NT5DC3: variants seen among roughly 807,000 people sequenced by gnomAD.
NT5DC3 encodes the protein 5'-nucleotidase domain-containing protein 3.
Under a neutral mutation model 67.8 loss-of-function variants are expected in NT5DC3, and 42 were observed. The observed-to-expected ratio is 0.62, with a 90% CI of 0.48 to 0.80. The LOEUF (loss-of-function observed/expected upper bound fraction) is 0.80, where lower values mean the gene tolerates loss of function less well. Ranked by LOEUF, NT5DC3 falls within the 30% of genes least tolerant of loss-of-function variation. The probability of loss-of-function intolerance (pLI) is 0.00; values close to 1 mark genes in which losing one functional copy is unlikely to be tolerated. For synonymous variants in NT5DC3, 237 were observed against 255.6 expected (o/e 0.93, Z 0.69); for missense variants, 570 against 696.4 (o/e 0.82, Z 2.04).
At chr12:103,822,956 T>C (rs1413889261) in intron 1 of NT5DC3, among the ~76,000 whole-genome samples, 1 of 152,178 alleles carries the variant, frequency 6.6e-6, no homozygotes, top group Non-Finnish European at 1.5e-5. Flanking sequence ...TCTCAGATAT[T>C]TGAACTCAGA....
chr12:103,785,268 T>G (rs1208323654), intron 12 of NT5DC3, 67 bp downstream of exon 12: 1 of 1,465,814 alleles, frequency 6.8e-7, no homozygotes, highest in Admixed American at 1.7e-5. Context: ...AAGCAGAAAA[T>G]ACCTGAAGTA....
Position 103,798,648 on chromosome 12 carries a change from ACTT to A in NT5DC3, c.551_553del (p.Glu184del). On this transcript the variant is annotated inframe_deletion, in exon 5 of 14. Transcript: ENST00000392876. ...GTGGGACCCCTCGTACATTTCAATG[ACTT>A]CTTCATCAGGGACAACACTGAGGCC... is the stretch of plus-strand genomic sequence containing the variant. The A allele has an allele frequency of 6.2e-7, 1 of 1,614,006 alleles. No homozygotes were observed. Among genetic ancestry groups the A allele is most frequent in the Admixed American group, 1.7e-5 (1 of 60,026 alleles).
downstream of NT5DC3, among the ~76,000 whole-genome samples, chr12:103,765,739 A>G (rs990675010): frequency 6.2e-5 from 7 of 113,258 alleles, no homozygotes; most frequent in African/African-American, 2.0e-4. Context: ...ATAAGGTTTC[A>G]CCGTGTTGCT....
intron 5 of NT5DC3, among the ~76,000 whole-genome samples, chr12:103,797,492 A>T (rs1037677255): frequency 2.0e-5 from 3 of 151,588 alleles, no homozygotes; most frequent in African/African-American, 4.8e-5. Context: ...AAAAAAGTAA[A>T]ATGTTCCCCT....
At chr12:103,801,186 C>T (rs1200488457) in intron 4 of NT5DC3, among the ~76,000 whole-genome samples, 1 of 152,022 alleles carries the variant, frequency 6.6e-6, no homozygotes, top group African/African-American at 2.4e-5. Flanking sequence ...GGCTTAGAAA[C>T]AAACTAGGCT....
intron 1 of NT5DC3, among the ~76,000 whole-genome samples, chr12:103,821,240 G>A (rs1174743382): frequency 6.6e-6 from 1 of 152,230 alleles, no homozygotes; most frequent in Non-Finnish European, 1.5e-5. Flanking sequence ...TGTTATAGCT[G>A]TCTGTAATAA....
At chr12:103,832,954 C>T (rs1428154549) in intron 1 of NT5DC3, among the ~76,000 whole-genome samples, 2 of 152,162 alleles carry the variant, frequency 1.3e-5, no homozygotes, top group Non-Finnish European at 2.9e-5. Context: ...AGAAAAAACA[C>T]ACAGCTTTCT....
intron 13 of NT5DC3, among the ~76,000 whole-genome samples, chr12:103,778,339 T>G (rs982400565): frequency 2.0e-5 from 3 of 152,080 alleles, no homozygotes; most frequent in African/African-American, 7.2e-5. Context: ...GAGACCAGCC[T>G]GGCCAACATG....
At chr12:103,819,422 TCAA>T (rs1217623925) in intron 1 of NT5DC3, among the ~76,000 whole-genome samples, 1 of 152,226 alleles carries the variant, frequency 6.6e-6, no homozygotes, top group Non-Finnish European at 1.5e-5. Flanking sequence ...ACACACTTTC[TCAA>T]AGGAGAAACA....
Position 103,841,139 on chromosome 12 carries a change from C to A in NT5DC3, c.18G>T (p.Ala6=). 1.2e-6 allele frequency: 1 copy of A among 822,928 alleles called. No individual in the cohort carries two copies. The allele number at this position is 822,928 out of a possible 1,614,324, so 51.0% of individuals were successfully genotyped here. The change falls in exon 1 of 14, where the codon GCG becomes GCT. Residue 6 remains alanine (A), a synonymous_variant. Coordinates refer to ENST00000392876, the MANE Select transcript of NT5DC3 (RefSeq NM_001031701.3). MTMAA[A]AVVARGAGAR... The stretch of plus-strand genomic sequence containing the variant: ...CCCCGGCCCCGCGTGCCACCACCGC[C>A]GCCGCTGCCATGGTCATGCCTGCTG...
At chr12:103,814,348 T>C (rs537986606) in intron 2 of NT5DC3, among the ~76,000 whole-genome samples, 5 of 152,340 alleles carry the variant, frequency 3.3e-5, no homozygotes, top group Non-Finnish European at 7.3e-5. Flanking sequence ...AGAGCTGAGC[T>C]GTACTTCCCG....
At chr12:103,814,906 G>C (rs755061797) in intron 2 of NT5DC3, 31 bp downstream of exon 2, 1 of 1,550,262 alleles carries the variant, frequency 6.5e-7, no homozygotes, top group Non-Finnish European at 8.8e-7. Flanking sequence ...AAAAGGGGAG[G>C]GAGAAGCCTG....
chr12:103,791,548 A>C (rs1197482737), intron 9 of NT5DC3, among the ~76,000 whole-genome samples: 1 of 151,952 alleles, frequency 6.6e-6, no homozygotes, highest in Non-Finnish European at 1.5e-5. Flanking sequence ...AATTCCTTAA[A>C]CCCTCAATAA....
Position 103,831,597 on chromosome 12 carries a change from C to T in NT5DC3, c.208+9352G>A, listed in dbSNP as rs535669717. Reference sequence around the variant, plus strand: ...GAAGTTTCTCTATTGTCTCCCTGCACGGAAGGAAGCACTCTGTGGCCACCA... The same window carrying T: ...GAAGTTTCTCTATTGTCTCCCTGCATGGAAGGAAGCACTCTGTGGCCACCA... On this transcript the variant is annotated intron_variant, in intron 1 of 13. Transcript: ENST00000392876. 4.6e-5 allele frequency among the ~76,000 whole-genome samples: 7 copies of T among 152,128 alleles called. No homozygotes were observed. The East Asian group carries it at 7.7e-4, about 17-fold the overall frequency.
Position 103,796,899 on chromosome 12 carries a change from C to T in NT5DC3, c.748G>A (p.Val250Ile), listed in dbSNP as rs1284861266. 3.1e-6 allele frequency: 5 copies of T among 1,614,048 alleles called. No homozygotes were observed. The African/African-American group carries it at 6.7e-5, about 22-fold the overall frequency. ...DYEPVHLYKDVKDSIRDVHIK... is the reference protein window; with the variant it reads ...DYEPVHLYKDIKDSIRDVHIK... ...TCTCTCACTGTGGATACAACCTTGA[C>T]ATCTTTGTACAGATGCACAGGCTCA... The change falls in exon 6 of 14, where the codon GTC (valine) becomes ATC (isoleucine). Residue 250 changes from valine to isoleucine, a missense_variant. Coordinates refer to ENST00000392876, the MANE Select transcript of NT5DC3 (RefSeq NM_001031701.3).
Position 103,787,434 on chromosome 12 carries a change from C to T in NT5DC3, c.1188+7G>A. On this transcript the variant is annotated splice_region_variant and intron_variant, in intron 11 of 13. Coordinates refer to ENST00000392876, the MANE Select transcript of NT5DC3 (RefSeq NM_001031701.3). ...GTCCCCCAACAAAGGAAAAAAGGGCCCCTCACCGCCAGGTCACTGTATATA... is the reference window on the plus strand; with the variant it reads ...GTCCCCCAACAAAGGAAAAAAGGGCTCCTCACCGCCAGGTCACTGTATATA... The T allele has an allele frequency of 6.6e-7, 1 of 1,510,508 alleles. No individual in the cohort carries two copies. The highest frequency in any genetic ancestry group is 8.9e-7 in the Non-Finnish European group (1 of 1,118,188). 93.6% of individuals were successfully genotyped at this position (1,510,508 alleles called of 1,614,324 possible). A position where few individuals can be genotyped will look rare whatever the true frequency, so the allele number is the denominator to read the frequency against.
At chr12:103,748,707 G>T in the NT5DC3 span, among the ~76,000 whole-genome samples, 4 of 151,358 alleles carry the variant, frequency 2.6e-5, no homozygotes, top group Non-Finnish European at 4.4e-5. Context: ...TGATACCAAA[G>T]TCAAGCCTGG....
At chr12:103,803,180 A>G (rs1211440744) in intron 4 of NT5DC3, among the ~76,000 whole-genome samples, 4 of 152,208 alleles carry the variant, frequency 2.6e-5, no homozygotes, top group Non-Finnish European at 5.9e-5. Context: ...AATTCTGGGA[A>G]AACATTAGGA....
chr12:103,762,597 G>A, the NT5DC3 span, among the ~76,000 whole-genome samples: 1 of 152,186 alleles, frequency 6.6e-6, no homozygotes, highest in Non-Finnish European at 1.5e-5. Context: ...GAACAGCAGT[G>A]GTGGTTCCAA....
Sources: allele counts gnomAD v4.1 joint callset (sites outside exome capture counted in the v4.1 genomes callset), GRCh38; gene constraint gnomAD v4.1.1; transcripts MANE v1.5; gene names NCBI Gene and HGNC (gene_info 2026-07-23, HGNC 2026-07-21).